GALNT14: variants seen among roughly 807,000 people sequenced by gnomAD.
GALNT14 encodes polypeptide N-acetylgalactosaminyltransferase 14, also known as UDP-GalNAc:polypeptide N-acetylgalactosaminyltransferase 14.
A neutral mutation model predicts 77.5 loss-of-function variants in GALNT14; 60 were observed. That is an observed-to-expected ratio of 0.77 (90% CI 0.63 to 0.96). The LOEUF is 0.96. GALNT14 is among the 40% of genes least tolerant of loss of function. The pLI is 0.00. For missense variants in GALNT14, 710 were observed against 731.0 expected, an observed-to-expected ratio of 0.97 and a Z score of 0.33; for synonymous variants, 280 against 281.7, an observed-to-expected ratio of 0.99 and a Z score of 0.06.
At chr2:30,993,141 G>A in intron 1 of GALNT14, 134 bp from the exon 2 acceptor site, 1 of 816,306 alleles carries the variant, frequency 1.2e-6, no homozygotes, top group Non-Finnish European at 1.9e-6. Flanking sequence ...GTCAGAAGCA[G>A]AACATAAACT....
intron 1 of GALNT14, among the ~76,000 whole-genome samples, chr2:31,005,499 A>C (rs896137319): frequency 6.6e-6 from 1 of 152,238 alleles, no homozygotes; most frequent in African/African-American, 2.4e-5. Context: ...TGAGACATGA[A>C]AAATTGCTTG....
chr2:31,098,231 A>T (rs148605358), intron 1 of GALNT14, among the ~76,000 whole-genome samples: 23 of 152,194 alleles, frequency 1.5e-4, no homozygotes, highest in African/African-American at 5.5e-4. Context: ...GTGATTCAAG[A>T]TAATGCTGAT....
downstream of GALNT14, among the ~76,000 whole-genome samples, chr2:30,909,825 G>T (rs1184391007): frequency 1.3e-5 from 2 of 151,800 alleles, no homozygotes; most frequent in Non-Finnish European, 2.9e-5. Context: ...GTCCAACAAT[G>T]ATAGACTGGA....
Position 31,012,745 on chromosome 2 carries a change from C to A in GALNT14, c.130-19738G>T, listed in dbSNP as rs76111092. On this transcript the variant is annotated intron_variant, in intron 1 of 14. Coordinates refer to ENST00000349752, the MANE Select transcript of GALNT14 (RefSeq NM_024572.4). ...GGGGCCAAAACCAAAACCAAACAAACCAACAAAATGGAACACAGTATGAAA... is the reference window on the plus strand; with the variant it reads ...GGGGCCAAAACCAAAACCAAACAAAACAACAAAATGGAACACAGTATGAAA... 4.2e-3 allele frequency among the ~76,000 whole-genome samples: 636 copies of A among 152,066 alleles called. 8 individuals are homozygous for A. The highest frequency in any genetic ancestry group is 0.015 in the African/African-American group (616 of 41,492).
intron 1 of GALNT14, among the ~76,000 whole-genome samples, chr2:30,998,381 A>T (rs930482177): frequency 2.0e-5 from 3 of 152,094 alleles, no homozygotes; most frequent in Admixed American, 6.5e-5. Context: ...TTAGGATTTA[A>T]AGCTGTTGTA....
At chr2:31,136,320 C>G (rs116253915) in intron 1 of GALNT14, among the ~76,000 whole-genome samples, 45 of 152,342 alleles carry the variant, frequency 3.0e-4, no homozygotes, top group African/African-American at 1.0e-3. Flanking sequence ...ACTCACACAA[C>G]GTGCTGTGTC....
intron 1 of GALNT14, among the ~76,000 whole-genome samples, chr2:30,997,417 T>C (rs1476256846): frequency 1.3e-5 from 2 of 152,184 alleles, no homozygotes; most frequent in Admixed American, 6.5e-5. Context: ...CTCATACAAA[T>C]ATCCGGGAAA....
the GALNT14 span, among the ~76,000 whole-genome samples, chr2:30,889,291 G>A: frequency 6.6e-6 from 1 of 152,210 alleles, no homozygotes; most frequent in Admixed American, 6.5e-5. Flanking sequence ...AGGAGCTGCG[G>A]TGTTTAACTG....
chr2:30,954,924 G>A (rs1161286535), intron 6 of GALNT14, among the ~76,000 whole-genome samples: 2 of 152,166 alleles, frequency 1.3e-5, no homozygotes, highest in African/African-American at 4.8e-5. Flanking sequence ...TCAGGAAGAG[G>A]AACACAGTAC....
intron 1 of GALNT14, among the ~76,000 whole-genome samples, chr2:31,106,890 G>A (rs935666120): frequency 1.3e-5 from 2 of 152,156 alleles, no homozygotes; most frequent in South Asian, 2.1e-4. Context: ...AGGATGGAAG[G>A]AGGGCCCAGG....
intron 11 of GALNT14, among the ~76,000 whole-genome samples, chr2:30,925,371 A>T (rs773447426): frequency 6.6e-6 from 1 of 152,248 alleles, no homozygotes; most frequent in South Asian, 2.1e-4. Flanking sequence ...ATAGGCAAAG[A>T]TAATGAAATA....
intron 2 of GALNT14, 59 bp from the exon 3 acceptor site, chr2:30,966,361 G>T: frequency 7.6e-7 from 1 of 1,316,824 alleles, no homozygotes; most frequent in Non-Finnish European, 1.1e-6. Flanking sequence ...TATCTGGAGG[G>T]CTAGAACCGA....
chr2:31,034,334 C>A (rs1672582565), intron 1 of GALNT14, among the ~76,000 whole-genome samples: 1 of 152,184 alleles, frequency 6.6e-6, no homozygotes, highest in South Asian at 2.1e-4. Flanking sequence ...TGGAACACTG[C>A]CACCAAAATA....
intron 2 of GALNT14, among the ~76,000 whole-genome samples, chr2:30,979,084 T>C (rs35138246): frequency 0.19 from 29,018 of 151,812 alleles, 3,072 homozygotes; most frequent in East Asian, 0.48. Context: ...GACTTCAGGG[T>C]TGGGGTGGTG....
At chr2:30,981,166 C>T (rs1668967244) in intron 2 of GALNT14, among the ~76,000 whole-genome samples, 2 of 152,222 alleles carry the variant, frequency 1.3e-5, no homozygotes, top group Non-Finnish European at 2.9e-5. Context: ...TTCCTCAAGC[C>T]AATCCTACCA....
chr2:30,965,094 C>T (rs925028035), intron 3 of GALNT14, among the ~76,000 whole-genome samples: 3 of 152,000 alleles, frequency 2.0e-5, no homozygotes, highest in Non-Finnish European at 4.4e-5. Context: ...TGCTCAGCTG[C>T]GGGACGTGGC....
chr2:30,937,088 C>CTTGTATGCTCTTCTCAGATGAGG lies in GALNT14; in HGVS notation c.932-4917_932-4895dup, dbSNP rs1344007326. ...GGGGAAAAGCTGACTTGCTATCACA[C>CTTGTATGCTCTTCTCAGATGAGG]TTGTATGCTCTTCTCAGATGAGGTC... On this transcript the variant is annotated intron_variant, in intron 9 of 14. Transcript: ENST00000349752. 5.3e-5 allele frequency among the ~76,000 whole-genome samples: 8 copies of CTTGTATGCTCTTCTCAGATGAGG among 152,212 alleles called. No individual in the cohort carries two copies. In the East Asian group the frequency reaches 1.5e-3, roughly 29 times the overall value.
chr2:31,009,064 G>A (rs913902464), intron 1 of GALNT14, among the ~76,000 whole-genome samples: 27 of 152,176 alleles, frequency 1.8e-4, no homozygotes, highest in African/African-American at 5.1e-4. Flanking sequence ...AGCAGAACTT[G>A]CAATTCACTT....
chr2:31,079,816 G>C (rs2148582032), intron 1 of GALNT14, among the ~76,000 whole-genome samples: 1 of 152,300 alleles, frequency 6.6e-6, no homozygotes, highest in East Asian at 1.9e-4. Flanking sequence ...ATTCTGGGCA[G>C]AGTGTGGCTC....
Sources: allele counts gnomAD v4.1 joint callset (sites outside exome capture counted in the v4.1 genomes callset), GRCh38; gene constraint gnomAD v4.1.1; transcripts MANE v1.5; gene names NCBI Gene and HGNC (gene_info 2026-07-23, HGNC 2026-07-21).